The following SP1 variants were observed in gnomAD, a reference collection of about 807,000 sequenced individuals.
SP1 encodes transcription factor Sp1.
Under a neutral mutation model 66.3 loss-of-function variants are expected in SP1, and 6 were observed. That is an observed-to-expected ratio of 0.09 (90% CI 0.05 to 0.18). The LOEUF is 0.18. SP1 is among the 10% of genes least tolerant of loss of function. SP1 has a pLI of 1.00. For missense variants in SP1, 848 were observed against 964.5 expected (o/e 0.88, Z 1.60); for synonymous variants, 417 against 360.8 (o/e 1.16, Z -1.77).
chr12:53,400,642 G>A (rs1253026310), intron 3 of SP1, among the ~76,000 whole-genome samples: 1 of 151,986 alleles, frequency 6.6e-6, no homozygotes, highest in Non-Finnish European at 1.5e-5. Flanking sequence ...CGCCCAGGCT[G>A]GAGTGGTACG....
chr12:53,387,398 A>AG (rs1055600999), intron 3 of SP1, among the ~76,000 whole-genome samples: 2 of 152,290 alleles, frequency 1.3e-5, no homozygotes, highest in Middle Eastern at 6.8e-3. Flanking sequence ...TGGTAAATCT[A>AG]GGGGGAAAGT....
In SP1 at chr12:53,383,148, A is replaced by T; in HGVS notation, c.1201A>T (p.Ile401Phe). The T allele has an allele frequency of 6.2e-7, 1 of 1,614,218 alleles. No individual in the cohort carries two copies. The highest frequency in any genetic ancestry group is 1.3e-5 in the African/African-American group (1 of 75,060). ...GCAGACACAGCAGCAACAAATTCTT[A>T]TCCAGCCTCAGCTAGTTCAAGGGGG... ...NQQTQQQQIL[I>F]QPQLVQGGQA... The change falls in exon 3 of 6, where the codon ATC becomes TTC. Residue 401 changes from isoleucine to phenylalanine, a missense_variant. Physicochemically the swap from Ile to Phe is conservative, Grantham distance 21 (BLOSUM62 0). This residue lies in a region of SP1 where 606 missense variants were observed against 589.9 expected (regional missense o/e 1.03). Transcript: ENST00000327443.
rs370160300 is a variant in SP1, at chr12:53,383,113, A to C, written c.1166A>C (p.Glu389Ala). 1.2e-6 allele frequency: 2 copies of C among 1,614,088 alleles called. No individual in the cohort carries two copies. Among genetic ancestry groups the C allele is most frequent in the Non-Finnish European group, 1.7e-6 (2 of 1,180,060 alleles). ...CAAGCAGGCCAGCAAAAAGAAGGAG[A>C]GCAAAACCAGCAGACACAGCAGCAA... ...SLQAGQQKEG[E>A]QNQQTQQQQI... Residue 389 changes from glutamate (E) to alanine (A), a missense_variant, in exon 3 of 6, where the codon GAG becomes GCG. Glu to Ala is a moderately radical substitution (Grantham distance 107). Coordinates refer to ENST00000327443, the MANE Select transcript of SP1 (RefSeq NM_138473.3).
In SP1 at chr12:53,383,567, A is replaced by G. The variant is rs771984023; in HGVS notation, c.1620A>G (p.Ser540=). ...TTAACCTCAGTGCATTGGGTACTTCAGGAATCCAGGTGCACCCAATTCAAG... is the reference window on the plus strand; with the variant it reads ...TTAACCTCAGTGCATTGGGTACTTCGGGAATCCAGGTGCACCCAATTCAAG... The part of the protein sequence containing the change: ...QTINLSALGT[S]GIQVHPIQGL... The change falls in exon 3 of 6, where the codon TCA becomes TCG. Residue 540 remains serine, a synonymous_variant. Coordinates refer to ENST00000327443, the MANE Select transcript of SP1 (RefSeq NM_138473.3). The G allele has an allele frequency of 6.2e-7, 1 of 1,613,780 alleles. No homozygotes were observed. The highest frequency in any genetic ancestry group is 8.5e-7 in the Non-Finnish European group (1 of 1,179,920).
chr12:53,409,382 A>G lies in SP1; in HGVS notation c.1865A>G (p.Lys622Arg). The stretch of plus-strand genomic sequence containing the variant: ...TTCAGGGGCTCGGGGGATCCTGGCA[A>G]AAAGAAACAGCATATTTGCCACATC... The part of the protein sequence containing the change: ...SEGRGSGDPG[K>R]KKQHICHIQG... Residue 622 changes from lysine (K) to arginine (R), a missense_variant, in exon 5 of 6, where the codon AAA becomes AGA. By Grantham distance (26) the Lys-to-Arg change is conservative. Coordinates refer to ENST00000327443, the MANE Select transcript of SP1 (RefSeq NM_138473.3). 3 of 1,614,024 alleles carry G rather than the reference A, an allele frequency of 1.9e-6. No homozygotes were observed. The highest frequency in any genetic ancestry group is 2.5e-6 in the Non-Finnish European group (3 of 1,179,980).
intron 3 of SP1, among the ~76,000 whole-genome samples, chr12:53,399,780 G>A (rs1407993792): frequency 6.6e-6 from 1 of 151,822 alleles, no homozygotes; most frequent in South Asian, 2.1e-4. Flanking sequence ...TGGGATTACA[G>A]GCCACCACAC....
At chr12:53,404,958 C>T (rs1205148465) in intron 3 of SP1, among the ~76,000 whole-genome samples, 4 of 152,044 alleles carry the variant, frequency 2.6e-5, no homozygotes, top group African/African-American at 9.7e-5. Context: ...CTCAGCCTCC[C>T]GAATAGCTAG....
At position 53,414,700 on chromosome 12, in the gene SP1, A is replaced by G. The variant is rs1296066059; in HGVS notation, c.*3460A>G. On this transcript the variant is annotated 3_prime_UTR_variant, in exon 6 of 6. Coordinates refer to ENST00000327443, the MANE Select transcript of SP1 (RefSeq NM_138473.3). ...TTTCAAAATATATTTTGTATTGTTAATATCTTCACATTGTGTGAATACTGG... is the reference window on the plus strand; with the variant it reads ...TTTCAAAATATATTTTGTATTGTTAGTATCTTCACATTGTGTGAATACTGG... 2.0e-5 allele frequency: 3 copies of G among 152,636 alleles called. No homozygotes were observed. The highest frequency in any genetic ancestry group is 7.2e-5 in the African/African-American group (3 of 41,460). 9.5% of individuals were successfully genotyped at this position (152,636 alleles called of 1,614,324 possible). A position where few individuals can be genotyped will look rare whatever the true frequency, so the allele number is the denominator to read the frequency against.
In SP1 at chr12:53,382,418, C is replaced by T. The variant is rs1227064819; in HGVS notation, c.471C>T (p.Asn157=). ...TGGCTGCCGCTCCCAACTTACAGAA[C>T]CAGCAAGTTCTGACAGGACTACCTG... ...YVVAAAPNLQ[N]QQVLTGLPGV... The change falls in exon 3 of 6, where the codon AAC becomes AAT. Residue 157 remains asparagine, a synonymous_variant. Coordinates refer to ENST00000327443, the MANE Select transcript of SP1 (RefSeq NM_138473.3). 2 of 1,614,192 alleles carry T rather than the reference C, an allele frequency of 1.2e-6. No individual in the cohort carries two copies. Among genetic ancestry groups the T allele is most frequent in the Admixed American group, 1.7e-5 (1 of 60,004 alleles).
chr12:53,388,453 G>A (rs1285785276), intron 3 of SP1, among the ~76,000 whole-genome samples: 1 of 152,142 alleles, frequency 6.6e-6, no homozygotes, highest in Non-Finnish European at 1.5e-5. Flanking sequence ...GGTAAGAGGA[G>A]CTTGACATTC....
chr12:53,385,425 C>T (rs1298962676), intron 3 of SP1, among the ~76,000 whole-genome samples: 2 of 150,316 alleles, frequency 1.3e-5, no homozygotes, highest in Non-Finnish European at 3.0e-5. Context: ...GAAACCCTGT[C>T]TCTACTAAAA....
At chr12:53,387,717 G>GGCTC (rs2136895294) in intron 3 of SP1, among the ~76,000 whole-genome samples, 1 of 152,278 alleles carries the variant, frequency 6.6e-6, no homozygotes, top group South Asian at 2.1e-4. Context: ...CCAGCCTGGT[G>GGCTC]GCTCACGCCT....
rs763823600 is a variant in SP1 at position 53,382,279 on chromosome 12, C to G, written c.332C>G (p.Ser111Cys). Reference sequence around the variant, plus strand: ...GGTGCCAATGGCTGGCAGATCATCTCTTCCTCCTCTGGGGCTACCCCTACC... The same window carrying G: ...GGTGCCAATGGCTGGCAGATCATCTGTTCCTCCTCTGGGGCTACCCCTACC... ...SQGANGWQII[S>C]SSSGATPTSK... The change falls in exon 3 of 6, where the codon TCT (serine) becomes TGT (cysteine). Residue 111 changes from serine (S) to cysteine (C), a missense_variant. Around this residue, in one of 7 missense-constraint regions of SP1, gnomAD observed 606 missense variants for 589.9 expected, o/e 1.03. Coordinates refer to ENST00000327443, the MANE Select transcript of SP1 (RefSeq NM_138473.3). 7.4e-6 allele frequency: 12 copies of G among 1,614,080 alleles called. No homozygotes were observed. Among genetic ancestry groups the G allele is most frequent in the Non-Finnish European group, 1.0e-5 (12 of 1,180,038 alleles).
At chr12:53,395,442 A>G (rs1474390123) in intron 3 of SP1, among the ~76,000 whole-genome samples, 1 of 152,160 alleles carries the variant, frequency 6.6e-6, no homozygotes, top group Non-Finnish European at 1.5e-5. Context: ...ACCTTTCTTA[A>G]GTGCTGTTTA....
chr12:53,389,232 T>A (rs934583495), intron 3 of SP1, among the ~76,000 whole-genome samples: 1 of 150,666 alleles, frequency 6.6e-6, no homozygotes, highest in African/African-American at 2.4e-5. Flanking sequence ...TTTTTTTTTT[T>A]TTTTGGGAGA....
At chr12:53,404,836 A>AATT (rs934917442) in intron 3 of SP1, among the ~76,000 whole-genome samples, 33 of 151,422 alleles carry the variant, frequency 2.2e-4, no homozygotes, top group African/African-American at 7.7e-4. Flanking sequence ...ATGCCCAGCT[A>AATT]ATTATTATTA....
At position 53,383,334 on chromosome 12, in the gene SP1, A is replaced by C; in HGVS notation, c.1387A>C (p.Ser463Arg). Residue 463 changes from serine (S) to arginine (R), a missense_variant, in exon 3 of 6, where the codon AGT becomes CGT. Transcript: ENST00000327443. ...TPTVGPNGQV[S>R]WQTLQLQNLQ... is the part of the protein sequence containing the mutation. ...AACAGTGGGGCCCAATGGACAGGTC[A>C]GTTGGCAGACTCTACAGCTGCAGAA... 1.2e-6 allele frequency: 2 copies of C among 1,614,230 alleles called. No homozygotes were observed. Among genetic ancestry groups the C allele is most frequent in the South Asian group, 2.2e-5 (2 of 91,086 alleles).
At chr12:53,387,091 C>G (rs1387028058) in intron 3 of SP1, among the ~76,000 whole-genome samples, 1 of 152,106 alleles carries the variant, frequency 6.6e-6, no homozygotes, top group Non-Finnish European at 1.5e-5. Context: ...GCTGGGATTA[C>G]AGGCACGTCC....
chr12:53,381,403 C>A, intron 1 of SP1: 1 of 310,928 alleles, frequency 3.2e-6, no homozygotes, highest in Non-Finnish European at 5.9e-6. Flanking sequence ...ATTTCCTATC[C>A]CCAAAGCACT....
Sources: allele counts gnomAD v4.1 joint callset (sites outside exome capture counted in the v4.1 genomes callset), GRCh38; gene constraint gnomAD v4.1.1; regional missense constraint gnomAD v4.1.1; transcripts MANE v1.5; gene names NCBI Gene and HGNC (gene_info 2026-07-23, HGNC 2026-07-21).